Variants in RPS7 observed in about 807,000 individuals in gnomAD.
RPS7 encodes the protein small ribosomal subunit protein eS7.
In RPS7, 1 loss-of-function variant was observed where a neutral mutation model predicts 22.1. The observed-to-expected ratio is 0.05, with a 90% CI of 0.02 to 0.21. RPS7 has a LOEUF of 0.21. Among genes scored for constraint, RPS7 ranks in the 10% least tolerant of loss-of-function variants. The pLI is 1.00. For synonymous variants in RPS7, 80 were observed against 92.0 expected, an observed-to-expected ratio of 0.87 and a Z score of 0.74; for missense variants, 137 against 246.4, an observed-to-expected ratio of 0.56 and a Z score of 2.97.
intron 6 of RPS7, chr2:3,580,485 C>G (rs1256202248): frequency 1.5e-6 from 1 of 651,006 alleles, no homozygotes. Flanking sequence ...GAAGTAGACT[C>G]TTTCTGTGGT....
rs142444366 is a variant in RPS7 at position 3,575,260 on chromosome 2, C to G, written c.-109C>G. 2.9e-5 allele frequency: 11 copies of G among 377,592 alleles called. No homozygotes were observed. Among genetic ancestry groups the G allele is most frequent in the Non-Finnish European group, 4.9e-5 (10 of 206,142 alleles). The allele number at this position is 377,592 out of a possible 1,614,324, so 23.4% of individuals were successfully genotyped here. On this transcript the variant is annotated 5_prime_UTR_variant, in exon 1 of 7. Coordinates refer to ENST00000645674, the MANE Select transcript of RPS7 (RefSeq NM_001011.4). Reference sequence around the variant, plus strand: ...TGATGTTCCGGTTTCCGCCCTCCTCCTCGCGCTGTTTCCGCCTCTTGCCTT... The same window carrying G: ...TGATGTTCCGGTTTCCGCCCTCCTCGTCGCGCTGTTTCCGCCTCTTGCCTT...
chr2:3,576,742 A>G (rs930877556), intron 4 of RPS7, 112 bp downstream of exon 4: 34 of 1,281,060 alleles, frequency 2.7e-5, no homozygotes, highest in African/African-American at 5.8e-5. Context: ...TATGAATCCA[A>G]TTGGGTAGAA....
At chr2:3,579,988 G>C (rs1016989537) in intron 5 of RPS7, 122 bp from the exon 6 acceptor site, 2 of 885,540 alleles carry the variant, frequency 2.3e-6, no homozygotes, top group African/African-American at 3.3e-5. Context: ...TTGAAAATGA[G>C]TGTTAATTTG....
rs765378279 is a variant in RPS7 at position 3,580,234 on chromosome 2, G to A, written c.481G>A (p.Ala161Thr). 22 of 1,613,654 alleles carry A rather than the reference G, an allele frequency of 1.4e-5. No individual in the cohort carries two copies. Among genetic ancestry groups the A allele is most frequent in the Non-Finnish European group, 1.7e-5 (20 of 1,179,876 alleles). Residue 161 changes from alanine to threonine, a missense_variant, in exon 6 of 7, where the codon GCA becomes ACA. Around this residue, in one of 2 missense-constraint regions of RPS7, gnomAD observed 74 missense variants for 171.4 expected, o/e 0.43. Coordinates refer to ENST00000645674, the MANE Select transcript of RPS7 (RefSeq NM_001011.4). The part of the protein sequence containing the change: ...SRLIKVHLDK[A>T]QQNNVEHKVE... Reference sequence around the variant, plus strand: ...GCTCATAAAGGTTCATTTGGACAAAGCACAGCAGAACAATGTGGAACACAA... The same window carrying A: ...GCTCATAAAGGTTCATTTGGACAAAACACAGCAGAACAATGTGGAACACAA...
In RPS7 at chr2:3,576,851, G is replaced by A. The variant is rs141276667; in HGVS notation, c.291+221G>A. 4.4e-4 allele frequency: 280 copies of A among 639,108 alleles called. 2 individuals carry two copies. Among genetic ancestry groups the A allele is most frequent in the African/African-American group, 3.9e-3 (211 of 54,188 alleles). The allele number at this position is 639,108 out of a possible 1,614,324, so 39.6% of individuals were successfully genotyped here. A position where few individuals can be genotyped will look rare whatever the true frequency, so the allele number is the denominator to read the frequency against. ...CTGTAGAGACCAGCCTGGGCAACAT[G>A]GTAAGACCCTGTCTACAAAAAATAG... On this transcript the variant is annotated intron_variant, in intron 4 of 6. Transcript: ENST00000645674.
rs1661255612 is a variant in RPS7 at position 3,575,572 on chromosome 2, G to C, written c.-18-20G>C. 6.3e-7 allele frequency: 1 copy of C among 1,585,942 alleles called. No homozygotes were observed. The highest frequency in any genetic ancestry group is 2.2e-5 in the East Asian group (1 of 44,744). On this transcript the variant is annotated intron_variant, in intron 1 of 6. Coordinates refer to ENST00000645674, the MANE Select transcript of RPS7 (RefSeq NM_001011.4). Reference sequence around the variant, plus strand: ...GCGCCTGCAGCCCGGGCCGCGTAACGCTGACCGCTGTGCCTTCAGTTCTCC... The same window carrying C: ...GCGCCTGCAGCCCGGGCCGCGTAACCCTGACCGCTGTGCCTTCAGTTCTCC...
intron 1 of RPS7, 109 bp from the exon 2 acceptor site, chr2:3,575,483 C>G: frequency 1.4e-6 from 1 of 739,250 alleles, no homozygotes; most frequent in Non-Finnish European, 2.4e-6. Flanking sequence ...CCTGTGCTTT[C>G]CGATGGCTTC....
chr2:3,577,418 C>T (rs1283162943), intron 4 of RPS7: 1 of 405,016 alleles, frequency 2.5e-6, no homozygotes. Context: ...CAGGATTGAT[C>T]TGGAATAAAA....
intron 4 of RPS7, chr2:3,576,954 A>C (rs1343371002): frequency 2.7e-6 from 1 of 365,700 alleles, no homozygotes; most frequent in African/African-American, 2.1e-5. Flanking sequence ...AAAGTGACAG[A>C]CTGCTGTGTT....
intron 5 of RPS7, 144 bp from the exon 6 acceptor site, chr2:3,579,966 T>A: frequency 1.2e-6 from 1 of 804,548 alleles, no homozygotes; most frequent in Non-Finnish European, 2.2e-6. Context: ...ACGTGAAATA[T>A]AACAAGCTTA....
rs764498089 is a variant in RPS7 at position 3,580,131 on chromosome 2, C to T, written c.378C>T (p.His126=). 1.1e-5 allele frequency: 17 copies of T among 1,613,606 alleles called. No individual in the cohort carries two copies. The highest frequency in any genetic ancestry group is 8.0e-5 in the African/African-American group (6 of 74,810). ...RPRSRTLTAV[H]DAILEDLVFP... is the part of the protein sequence containing the mutation. Reference sequence around the variant, plus strand: ...TTAGCCGTACTCTGACAGCTGTGCACGATGCCATCCTTGAGGACTTGGTCT... The same window carrying T: ...TTAGCCGTACTCTGACAGCTGTGCATGATGCCATCCTTGAGGACTTGGTCT... The change falls in exon 6 of 7, where the codon CAC becomes CAT. Residue 126 remains histidine, a synonymous_variant. Coordinates refer to ENST00000645674, the MANE Select transcript of RPS7 (RefSeq NM_001011.4).
In RPS7 at chr2:3,576,030, T is replaced by A. The variant is rs113260758; in HGVS notation, c.147+142T>A. 0.013 allele frequency: 9,706 copies of A among 719,114 alleles called. 175 individuals carry two copies. Among genetic ancestry groups the A allele is most frequent in the Middle Eastern group, 0.057 (153 of 2,684 alleles). 44.5% of individuals were successfully genotyped at this position (719,114 alleles called of 1,614,324 possible). On this transcript the variant is annotated intron_variant, in intron 3 of 6. Coordinates refer to ENST00000645674, the MANE Select transcript of RPS7 (RefSeq NM_001011.4). ...TGAACTCAGGTTCGGCCGTGTTGTT[T>A]GGGAGTGATACCGCCCAGGTGCGGG... is the stretch of plus-strand genomic sequence containing the variant.
At chr2:3,577,618 T>C (rs1382474215) in intron 4 of RPS7, 92 bp from the exon 5 acceptor site, 8 of 926,658 alleles carry the variant, frequency 8.6e-6, no homozygotes, top group Middle Eastern at 3.2e-4. Context: ...ACCCTGCCAT[T>C]CTTCTTGCTT....
At chr2:3,576,207 T>G (rs1274326857) in intron 3 of RPS7, 1 of 590,190 alleles carries the variant, frequency 1.7e-6, no homozygotes, top group Admixed American at 3.0e-5. Context: ...CAGGATGAGA[T>G]TCTCTCTACC....
At chr2:3,579,453 A>T (rs1480957214) in intron 5 of RPS7, 1 of 159,674 alleles carries the variant, frequency 6.3e-6, no homozygotes, top group Non-Finnish European at 1.4e-5. Context: ...ACGTAGACAG[A>T]TAACCATATG....
At chr2:3,576,194 G>A in intron 3 of RPS7, 1 of 591,644 alleles carries the variant, frequency 1.7e-6, no homozygotes, top group Non-Finnish European at 3.0e-6. Flanking sequence ...GCTGTGGGGA[G>A]CTCAGGATGA....
In RPS7 at chr2:3,580,534, G is replaced by A. The variant is rs923615304; in HGVS notation, c.508-271G>A. On this transcript the variant is annotated intron_variant, in intron 6 of 6. Coordinates refer to ENST00000645674, the MANE Select transcript of RPS7 (RefSeq NM_001011.4). ...TGTATATTCTTGGTGAGTTAGGGGT[G>A]GGTGGTGATGGGATCAGTGTCTTGG... 49 of 625,438 alleles carry A rather than the reference G, an allele frequency of 7.8e-5. No homozygotes were observed. The Admixed American group carries it at 1.2e-3, about 15-fold the overall frequency. 38.7% of individuals were successfully genotyped at this position (625,438 alleles called of 1,614,324 possible). A position where few individuals can be genotyped will look rare whatever the true frequency, so the allele number is the denominator to read the frequency against.
rs902137328 is a variant in RPS7 at position 3,575,361 on chromosome 2, G to T, written c.-19+11G>T. 9.1e-6 allele frequency: 5 copies of T among 547,420 alleles called. No homozygotes were observed. The highest frequency in any genetic ancestry group is 3.5e-5 in the Admixed American group (1 of 28,606). 33.9% of individuals were successfully genotyped at this position (547,420 alleles called of 1,614,324 possible). ...CCGGCGCTCGGCAAGGTAGGTTGGC[G>T]GCCTGCTCTCCGACAGAACTTTTCT... On this transcript the variant is annotated intron_variant, in intron 1 of 6. Transcript: ENST00000645674.
chr2:3,578,430 T>A (rs62106038), intron 5 of RPS7: 8,342 of 152,374 alleles, frequency 0.055, 290 homozygotes, highest in South Asian at 0.099. Context: ...TCTAACATGT[T>A]TAATTTGTAT....
Sources: allele counts gnomAD v4.1 joint callset, GRCh38; gene constraint gnomAD v4.1.1; regional missense constraint gnomAD v4.1.1; transcripts MANE v1.5; gene names NCBI Gene and HGNC (gene_info 2026-07-23, HGNC 2026-07-21).